The following DAB1 variants were observed in gnomAD, a reference collection of about 807,000 sequenced individuals.
DAB1 encodes DAB adaptor protein 1.
Under a neutral mutation model 64.6 loss-of-function variants are expected in DAB1, and 15 were observed. That is an observed-to-expected ratio of 0.23 (90% CI 0.16 to 0.36). The LOEUF (loss-of-function observed/expected upper bound fraction) is 0.36, where lower values mean the gene tolerates loss of function less well. Ranked by LOEUF, DAB1 falls within the 10% of genes least tolerant of loss-of-function variation. DAB1 has a pLI of 1.00. For synonymous variants in DAB1, 235 were observed against 251.9 expected (o/e 0.93, Z 0.64); for missense variants, 596 against 706.7 (o/e 0.84, Z 1.78).
intron 4 of DAB1, among the ~76,000 whole-genome samples, chr1:58,306,397 T>C (rs749713363): frequency 6.9e-4 from 105 of 152,324 alleles, no homozygotes; most frequent in Non-Finnish European, 1.2e-3. Context: ...CAGAGCATCT[T>C]TCCTTGTAAG....
chr1:57,325,295 A>C (rs181346856), intron 1 of DAB1, among the ~76,000 whole-genome samples: 1 of 152,290 alleles, frequency 6.6e-6, no homozygotes. Context: ...TCTTAGCCCG[A>C]GTTAGCCTCA....
chr1:57,197,135 A>G (rs1361230104), intron 2 of DAB1, among the ~76,000 whole-genome samples: 13 of 152,210 alleles, frequency 8.5e-5, no homozygotes. Flanking sequence ...CAGGAGTTCA[A>G]GACCAGCCTG....
intron 4 of DAB1, among the ~76,000 whole-genome samples, chr1:58,222,111 A>C (rs899182220): frequency 6.6e-6 from 1 of 152,306 alleles, no homozygotes. Context: ...GGAATTTATC[A>C]TCCAGTGGTT....
At chr1:58,249,592 T>C (rs1319291598) in intron 4 of DAB1, among the ~76,000 whole-genome samples, 1 of 151,920 alleles carries the variant, frequency 6.6e-6, no homozygotes. Flanking sequence ...AGAAAAGAAA[T>C]GAAGAGAACG....
chr1:57,970,993 T>A (rs1172957992), intron 5 of DAB1, among the ~76,000 whole-genome samples: 1 of 152,172 alleles, frequency 6.6e-6, no homozygotes, highest in Non-Finnish European at 1.5e-5. Context: ...TTTATTGTAG[T>A]GGTTTCAGGA....
At chr1:58,465,474 A>G (rs754994869) in intron 3 of DAB1, among the ~76,000 whole-genome samples, 1 of 152,214 alleles carries the variant, frequency 6.6e-6, no homozygotes, top group Non-Finnish European at 1.5e-5. Flanking sequence ...ATGTGCAACC[A>G]ATCACTGTAA....
At chr1:57,973,510 G>A (rs562171018) in intron 5 of DAB1, among the ~76,000 whole-genome samples, 1 of 152,144 alleles carries the variant, frequency 6.6e-6, no homozygotes, top group Admixed American at 6.5e-5. Context: ...ACATTACATA[G>A]ACATGTCAAA....
In DAB1 at chr1:57,611,128, CT is replaced by C. The variant is rs5774360; in HGVS notation, n.625+38463del. ...CTATCTCACTGTTGGCGTGCAGTGG[CT>C]TTTTTTTTTTTTTTTTTGCATTTAT... On this transcript the variant is annotated intron_variant and non_coding_transcript_variant, in intron 7 of 20. Transcript: ENST00000485760. 4.4e-3 allele frequency among the ~76,000 whole-genome samples: 498 copies of C among 111,954 alleles called. 1 individual carries two copies. Among genetic ancestry groups the C allele is most frequent in the Middle Eastern group, 0.015 (3 of 206 alleles). 73.4% of individuals were successfully genotyped at this position (111,954 alleles called of 152,430 possible). A position where few individuals can be genotyped will look rare whatever the true frequency, so the allele number is the denominator to read the frequency against.
intron 3 of DAB1, among the ~76,000 whole-genome samples, chr1:58,478,739 T>C (rs1364677469): frequency 6.6e-6 from 1 of 152,200 alleles, no homozygotes; most frequent in Non-Finnish European, 1.5e-5. Flanking sequence ...TAGAGGATAG[T>C]CTCACCCTAT....
At chr1:57,706,198 A>T (rs952379766) in intron 6 of DAB1, among the ~76,000 whole-genome samples, 1 of 151,868 alleles carries the variant, frequency 6.6e-6, no homozygotes, top group Non-Finnish European at 1.5e-5. Context: ...TCCATTTTTT[A>T]AAAAATCATG....
chr1:57,743,492 A>G (rs1340240819), intron 6 of DAB1, among the ~76,000 whole-genome samples: 1 of 152,192 alleles, frequency 6.6e-6, no homozygotes, highest in African/African-American at 2.4e-5. Context: ...GCCTGCACCC[A>G]GGTGAAATAA....
At chr1:58,276,120 A>T (rs1258802074) in intron 4 of DAB1, among the ~76,000 whole-genome samples, 1 of 152,236 alleles carries the variant, frequency 6.6e-6, no homozygotes, top group Non-Finnish European at 1.5e-5. Context: ...CAGATTATTC[A>T]TAGAGACAGA....
chr1:58,171,539 G>A (rs976743822), intron 4 of DAB1, among the ~76,000 whole-genome samples: 3 of 152,162 alleles, frequency 2.0e-5, no homozygotes, highest in Non-Finnish European at 4.4e-5. Flanking sequence ...TCAAATACCA[G>A]AGGAAGCAGA....
intron 12 of DAB1, among the ~76,000 whole-genome samples, chr1:57,012,100 T>C (rs987636604): frequency 3.3e-5 from 5 of 152,182 alleles, no homozygotes; most frequent in African/African-American, 4.8e-5. Flanking sequence ...TAAATTCTAA[T>C]TTGTCACTGA....
chr1:57,379,701 C>G (rs999389458), intron 1 of DAB1, among the ~76,000 whole-genome samples: 1 of 152,198 alleles, frequency 6.6e-6, no homozygotes. Context: ...TCTCCCAAAT[C>G]AGGCAAACAA....
At chr1:58,525,217 A>AT (rs1646330883) in intron 2 of DAB1, among the ~76,000 whole-genome samples, 1 of 152,030 alleles carries the variant, frequency 6.6e-6, no homozygotes, top group African/African-American at 2.4e-5. Context: ...CCTTTTCTTA[A>AT]TTTTTTCAAT....
intron 4 of DAB1, among the ~76,000 whole-genome samples, chr1:58,285,784 T>C (rs912358524): frequency 1.3e-5 from 2 of 152,138 alleles, no homozygotes; most frequent in Admixed American, 1.3e-4. Context: ...TACACTATCA[T>C]TGACATTCTT....
At chr1:57,455,151 G>T (rs1428435866) in intron 7 of DAB1, among the ~76,000 whole-genome samples, 1 of 152,114 alleles carries the variant, frequency 6.6e-6, no homozygotes, top group African/African-American at 2.4e-5. Context: ...ACCATTGCTT[G>T]GCATGTGCAG....
At chr1:57,334,979 C>A (rs1676961895) in intron 1 of DAB1, among the ~76,000 whole-genome samples, 1 of 152,184 alleles carries the variant, frequency 6.6e-6, no homozygotes, top group Non-Finnish European at 1.5e-5. Context: ...CCTTTCATTT[C>A]TTTCTGGGAA....
Sources: gnomAD v4.1 joint callset for allele counts (sites outside exome capture counted in the v4.1 genomes callset) on GRCh38, gnomAD v4.1.1 for gene constraint, MANE v1.5 for transcripts, NCBI Gene and HGNC (gene_info 2026-07-23, HGNC 2026-07-21) for gene names.